TTC27: variants seen among roughly 807,000 people sequenced by gnomAD.
TTC27 encodes tetratricopeptide repeat protein 27.
TTC27 carries 79 observed loss-of-function variants against 115.9 expected under a neutral mutation model. The ratio of observed to expected loss-of-function variants is 0.68; its 90% CI spans 0.57 to 0.82. TTC27 has a LOEUF of 0.82. Ranked by LOEUF, TTC27 falls within the 40% of genes least tolerant of loss-of-function variation. TTC27 has a pLI of 0.00. For missense variants in TTC27, 1,054 were observed against 993.1 expected, an observed-to-expected ratio of 1.06 and a Z score of -0.82; for synonymous variants, 401 against 356.0, an observed-to-expected ratio of 1.13 and a Z score of -1.42.
Position 32,819,630 on chromosome 2 carries a change from G to A in TTC27, c.2410-1186G>A, listed in dbSNP as rs116528584. Among the ~76,000 whole-genome samples the A allele has an allele frequency of 5.5e-3, 833 of 152,234 alleles. 10 individuals are homozygous for A. The highest frequency in any genetic ancestry group is 0.019 in the African/African-American group (786 of 41,550). On this transcript the variant is annotated intron_variant, in intron 19 of 19. Transcript: ENST00000317907. Reference sequence around the variant, plus strand: ...CAGGCCAGGGACTTCATGGAAATAAGCTCCTAGTACCTAGAGACTCACCTA... The same window carrying A: ...CAGGCCAGGGACTTCATGGAAATAAACTCCTAGTACCTAGAGACTCACCTA...
At chr2:32,692,988 A>AG in intron 9 of TTC27, among the ~76,000 whole-genome samples, 1 of 152,152 alleles carries the variant, frequency 6.6e-6, no homozygotes, top group East Asian at 1.9e-4. Flanking sequence ...AAAAAAAAAA[A>AG]AATCTATAAA....
intron 16 of TTC27, among the ~76,000 whole-genome samples, chr2:32,795,518 G>A (rs892870753): frequency 8.7e-5 from 13 of 150,046 alleles, no homozygotes; most frequent in African/African-American, 3.2e-4. Flanking sequence ...GTGAAAGACT[G>A]AAAGCTTCTT....
intron 12 of TTC27, among the ~76,000 whole-genome samples, chr2:32,739,389 T>A (rs1407697257): frequency 1.3e-5 from 2 of 152,200 alleles, no homozygotes; most frequent in Non-Finnish European, 2.9e-5. Flanking sequence ...AAGATGAGAC[T>A]TTCCTTAATT....
intron 9 of TTC27, 35 bp from the exon 10 acceptor site, chr2:32,702,772 C>T: frequency 7.0e-7 from 1 of 1,434,212 alleles, no homozygotes; most frequent in East Asian, 2.3e-5. Flanking sequence ...TAGCTTATCT[C>T]TTTTCTATGA....
chr2:32,735,399 G>A (rs1214905281), intron 11 of TTC27, among the ~76,000 whole-genome samples: 1 of 152,136 alleles, frequency 6.6e-6, no homozygotes, highest in African/African-American at 2.4e-5. Flanking sequence ...ATGACAAAAT[G>A]TGTCTATTGA....
intron 12 of TTC27, among the ~76,000 whole-genome samples, chr2:32,744,215 A>C (rs1668742353): frequency 6.6e-6 from 1 of 152,232 alleles, no homozygotes; most frequent in Admixed American, 6.5e-5. Flanking sequence ...GCTCTAAAGC[A>C]GTGATCTCCT....
At chr2:32,637,581 T>G (rs1049575563) in intron 3 of TTC27, among the ~76,000 whole-genome samples, 1 of 152,152 alleles carries the variant, frequency 6.6e-6, no homozygotes, top group African/African-American at 2.4e-5. Context: ...TCTGCCTGCC[T>G]CAGCCTCCCA....
intron 9 of TTC27, among the ~76,000 whole-genome samples, chr2:32,691,096 T>C (rs1666793731): frequency 6.6e-6 from 1 of 152,148 alleles, no homozygotes; most frequent in South Asian, 2.1e-4. Context: ...TGGAAGAAGA[T>C]TATTTGAAAC....
At chr2:32,798,289 A>G (rs1670781192) in intron 16 of TTC27, among the ~76,000 whole-genome samples, 1 of 151,790 alleles carries the variant, frequency 6.6e-6, no homozygotes. Context: ...AGTCCCAGCT[A>G]TTTGGGAGAC....
At chr2:32,645,321 T>C (rs1382550775) in intron 4 of TTC27, among the ~76,000 whole-genome samples, 1 of 152,196 alleles carries the variant, frequency 6.6e-6, no homozygotes, top group Non-Finnish European at 1.5e-5. Flanking sequence ...GAATATCAGT[T>C]TCCATTTATA....
At chr2:32,642,999 T>C (rs1664713418) in intron 4 of TTC27, among the ~76,000 whole-genome samples, 1 of 152,076 alleles carries the variant, frequency 6.6e-6, no homozygotes, top group Non-Finnish European at 1.5e-5. Context: ...AGACAGCGTC[T>C]TGCTCTGTCG....
chr2:32,630,417 A>T, intron 1 of TTC27, 106 bp from the exon 2 acceptor site: 1 of 793,222 alleles, frequency 1.3e-6, no homozygotes, highest in Non-Finnish European at 1.9e-6. Context: ...CTAAGTCTAT[A>T]GATTGTTTTT....
intron 14 of TTC27, among the ~76,000 whole-genome samples, chr2:32,782,335 A>G (rs569154830): frequency 1.3e-5 from 2 of 152,316 alleles, no homozygotes; most frequent in Non-Finnish European, 2.9e-5. Flanking sequence ...TACTATATAG[A>G]GTATGTTGTA....
intron 16 of TTC27, among the ~76,000 whole-genome samples, chr2:32,788,857 G>T (rs193023147): frequency 2.8e-4 from 43 of 151,518 alleles, no homozygotes; most frequent in South Asian, 1.0e-3. Context: ...TTTTCTATTT[G>T]CTCTTATTCT....
intron 10 of TTC27, among the ~76,000 whole-genome samples, chr2:32,712,837 G>A (rs1667628375): frequency 6.6e-6 from 1 of 152,104 alleles, no homozygotes; most frequent in Non-Finnish European, 1.5e-5. Flanking sequence ...ATGAGACACT[G>A]CACCCAGCCT....
chr2:32,776,460 G>T (rs185818554), intron 13 of TTC27, among the ~76,000 whole-genome samples: 94 of 152,220 alleles, frequency 6.2e-4, no homozygotes, highest in Middle Eastern at 3.4e-3. Flanking sequence ...TCTGACAGCT[G>T]GCTCAGTGCC....
chr2:32,819,418 G>A (rs975735867), intron 19 of TTC27, among the ~76,000 whole-genome samples: 5 of 152,096 alleles, frequency 3.3e-5, no homozygotes, highest in African/African-American at 1.2e-4. Context: ...TGGTTTCGTA[G>A]ATCTTATGCC....
At chr2:32,751,183 T>C (rs1403248685) in intron 12 of TTC27, among the ~76,000 whole-genome samples, 1 of 152,058 alleles carries the variant, frequency 6.6e-6, no homozygotes, top group Non-Finnish European at 1.5e-5. Flanking sequence ...GCCACCACTA[T>C]GTTAAGTTTA....
At chr2:32,756,948 G>T (rs536177356) in intron 12 of TTC27, among the ~76,000 whole-genome samples, 2 of 152,180 alleles carry the variant, frequency 1.3e-5, no homozygotes, top group African/African-American at 4.8e-5. Flanking sequence ...ATTAGCCTGA[G>T]TGATGAGGTA....
Sources: gnomAD v4.1 joint callset for allele counts (sites outside exome capture counted in the v4.1 genomes callset) on GRCh38, gnomAD v4.1.1 for gene constraint, MANE v1.5 for transcripts, NCBI Gene and HGNC (gene_info 2026-07-23, HGNC 2026-07-21) for gene names.